CAMKMT: variants seen among roughly 807,000 people sequenced by gnomAD.
CAMKMT encodes the protein CaM KMT.
A neutral mutation model predicts 48.0 loss-of-function variants in CAMKMT; 53 were observed. The ratio of observed to expected loss-of-function variants is 1.10; its 90% CI spans 0.89 to 1.39. CAMKMT has a LOEUF of 1.39. CAMKMT is among the 40% of genes most tolerant of loss of function. The pLI is 0.00. For missense variants in CAMKMT, 428 were observed against 402.7 expected (o/e 1.06, Z -0.54); for synonymous variants, 165 against 152.3 (o/e 1.08, Z -0.61).
intron 3 of CAMKMT, among the ~76,000 whole-genome samples, chr2:44,427,843 A>AC (rs752870880): frequency 6.6e-6 from 1 of 151,894 alleles, no homozygotes; most frequent in Non-Finnish European, 1.5e-5. Context: ...AGTTCCTTTG[A>AC]CCCCCTCATG....
At chr2:44,660,597 G>C (rs1003148613) in intron 3 of CAMKMT, among the ~76,000 whole-genome samples, 1 of 152,160 alleles carries the variant, frequency 6.6e-6, no homozygotes, top group African/African-American at 2.4e-5. Context: ...TTTTTTCCTT[G>C]AAGATCTGGC....
chr2:44,495,547 TA>T (rs902648042), intron 3 of CAMKMT, among the ~76,000 whole-genome samples: 56 of 152,370 alleles, frequency 3.7e-4, no homozygotes, highest in African/African-American at 1.3e-3. Context: ...AATATATTGT[TA>T]AAAATGTCAT....
intron 3 of CAMKMT, among the ~76,000 whole-genome samples, chr2:44,656,939 C>T (rs138978906): frequency 1.6e-3 from 245 of 152,290 alleles, no homozygotes; most frequent in Middle Eastern, 6.8e-3. Context: ...TCTCCTTATA[C>T]ACCAGGGCCA....
intron 3 of CAMKMT, among the ~76,000 whole-genome samples, chr2:44,659,566 C>CA (rs201673397): frequency 0.54 from 60,811 of 113,444 alleles, 14,300 homozygotes; most frequent in Middle Eastern, 0.65. Flanking sequence ...CCCATCTCTA[C>CA]AAAAAAAAAA....
intron 3 of CAMKMT, among the ~76,000 whole-genome samples, chr2:44,483,646 C>G (rs1343236271): frequency 6.6e-6 from 1 of 152,072 alleles, no homozygotes. Context: ...TCATGTAGCT[C>G]AAGGTCTAAG....
At chr2:44,399,347 G>C (rs1352919757) in intron 3 of CAMKMT, among the ~76,000 whole-genome samples, 6 of 152,030 alleles carry the variant, frequency 3.9e-5, no homozygotes, top group African/African-American at 1.4e-4. Context: ...AATTTAGTGG[G>C]GATTGACTGC....
intron 3 of CAMKMT, among the ~76,000 whole-genome samples, chr2:44,606,851 T>C (rs932516222): frequency 2.0e-5 from 3 of 149,844 alleles, no homozygotes; most frequent in Admixed American, 1.3e-4. Flanking sequence ...AGTTTATCTA[T>C]AGTTTATCAT....
chr2:44,739,640 C>A (rs910664151), intron 7 of CAMKMT, among the ~76,000 whole-genome samples: 2 of 152,056 alleles, frequency 1.3e-5, no homozygotes, highest in Non-Finnish European at 2.9e-5. Flanking sequence ...AAGAACTGAC[C>A]TAAATTTAGC....
At chr2:44,644,937 A>T (rs1261332182) in intron 3 of CAMKMT, among the ~76,000 whole-genome samples, 1 of 152,196 alleles carries the variant, frequency 6.6e-6, no homozygotes, top group Non-Finnish European at 1.5e-5. Context: ...TTGGAGAAGC[A>T]AGAGTTCTGT....
chr2:44,581,884 A>G (rs1315110870), intron 3 of CAMKMT, among the ~76,000 whole-genome samples: 1 of 152,204 alleles, frequency 6.6e-6, no homozygotes, highest in Non-Finnish European at 1.5e-5. Flanking sequence ...CTGTAGTCCC[A>G]GCTATTTGGG....
chr2:44,587,679 C>T (rs1263996630), intron 3 of CAMKMT, among the ~76,000 whole-genome samples: 1 of 127,618 alleles, frequency 7.8e-6, no homozygotes, highest in Admixed American at 8.4e-5. Flanking sequence ...CGGGGTTTTG[C>T]TGTGTTGGCC....
chr2:44,524,846 G>A (rs1026182961), intron 3 of CAMKMT, among the ~76,000 whole-genome samples: 1 of 152,012 alleles, frequency 6.6e-6, no homozygotes, highest in Non-Finnish European at 1.5e-5. Context: ...TTTTTGGAAT[G>A]GTTAAATCAT....
chr2:44,488,601 C>G (rs2104703907), intron 3 of CAMKMT, among the ~76,000 whole-genome samples: 1 of 152,060 alleles, frequency 6.6e-6, no homozygotes, highest in Middle Eastern at 3.4e-3. Context: ...ACACAGGAGG[C>G]TGAGGTGGGA....
At chr2:44,744,289 A>G (rs1679833058) in intron 8 of CAMKMT, among the ~76,000 whole-genome samples, 1 of 152,234 alleles carries the variant, frequency 6.6e-6, no homozygotes, top group Non-Finnish European at 1.5e-5. Context: ...GCAAATAATA[A>G]CATGACAATC....
At chr2:44,733,332 A>G (rs1307409435) in intron 7 of CAMKMT, among the ~76,000 whole-genome samples, 2 of 152,118 alleles carry the variant, frequency 1.3e-5, no homozygotes, top group African/African-American at 2.4e-5. Context: ...TCCAACTTCC[A>G]ATTATTTGTT....
chr2:44,704,699 A>C (rs907144648), intron 4 of CAMKMT, among the ~76,000 whole-genome samples: 8 of 151,462 alleles, frequency 5.3e-5, no homozygotes, highest in Non-Finnish European at 1.2e-4. Context: ...AAAAAAAAAA[A>C]ACCAATAAAG....
chr2:44,481,439 C>G (rs1469374126), intron 3 of CAMKMT, among the ~76,000 whole-genome samples: 4 of 152,084 alleles, frequency 2.6e-5, no homozygotes, highest in African/African-American at 7.2e-5. Flanking sequence ...TGTGAACATT[C>G]TGTCTATCCT....
At chr2:44,753,104 A>T (rs1421896814) in intron 8 of CAMKMT, among the ~76,000 whole-genome samples, 3 of 152,146 alleles carry the variant, frequency 2.0e-5, no homozygotes, top group Admixed American at 6.5e-5. Flanking sequence ...ATGAAAAATC[A>T]AAATGAACTA....
chr2:44,483,672 T>A (rs1246086382), intron 3 of CAMKMT, among the ~76,000 whole-genome samples: 2 of 152,150 alleles, frequency 1.3e-5, no homozygotes, highest in Non-Finnish European at 2.9e-5. Flanking sequence ...ATAATGCTGT[T>A]TCAGTTCTCA....
Sources: gnomAD v4.1 joint callset for allele counts (sites outside exome capture counted in the v4.1 genomes callset) on GRCh38, gnomAD v4.1.1 for gene constraint, MANE v1.5 for transcripts, NCBI Gene and HGNC (gene_info 2026-07-23, HGNC 2026-07-21) for gene names.